Variants in ZNF92 observed in about 807,000 individuals in gnomAD.
ZNF92 encodes epididymis luminal protein 203.
In ZNF92, 11 loss-of-function variants were observed where a neutral mutation model predicts 12.4. The observed-to-expected ratio is 0.89, with a 90% CI of 0.56 to 1.47. The LOEUF (loss-of-function observed/expected upper bound fraction) is 1.47. Among genes scored for constraint, ZNF92 ranks in the 40% most tolerant of loss-of-function variants. ZNF92 has a pLI of 0.00. For missense variants in ZNF92, 622 were observed against 681.0 expected, an observed-to-expected ratio of 0.91 and a Z score of 0.96; for synonymous variants, 206 against 228.6, an observed-to-expected ratio of 0.90 and a Z score of 0.89.
intron 1 of ZNF92, among the ~76,000 whole-genome samples, chr7:65,375,504 T>C (rs576170993): frequency 6.6e-6 from 1 of 152,188 alleles, no homozygotes; most frequent in East Asian, 1.9e-4. Context: ...TTTCATTTCT[T>C]GGAGAAACAT....
Position 65,398,940 on chromosome 7 carries a change from A to C in ZNF92, c.826A>C (p.Lys276Gln). The change falls in exon 4 of 4, where the codon AAA becomes CAA. Residue 276 changes from lysine to glutamine, a missense_variant. Lys to Gln is a moderately conservative substitution (Grantham distance 53). Coordinates refer to ENST00000328747, the MANE Select transcript of ZNF92 (RefSeq NM_152626.4). ...CCGGTCCTCAACCCTTACTAAACAT[A>C]AAAGAATTCATACAGAAGAGAAACC... ...FNRSSTLTKH[K>Q]RIHTEEKPYK... 6.2e-7 allele frequency: 1 copy of C among 1,613,470 alleles called. No homozygotes were observed. Among genetic ancestry groups the C allele is most frequent in the East Asian group, 2.2e-5 (1 of 44,848 alleles).
intron 1 of ZNF92, among the ~76,000 whole-genome samples, chr7:65,386,393 A>C (rs1188678501): frequency 6.6e-6 from 1 of 152,050 alleles, no homozygotes; most frequent in Non-Finnish European, 1.5e-5. Flanking sequence ...TCTCACCATG[A>C]ATTTATGATC....
In ZNF92 at chr7:65,378,511, G is replaced by A. The variant is rs183489879; in HGVS notation, c.3+4511G>A. Among the ~76,000 whole-genome samples the A allele has an allele frequency of 1.2e-3, 182 of 152,148 alleles. 3 individuals carry two copies. In the East Asian group the frequency reaches 0.025, roughly 21 times the overall value. On this transcript the variant is annotated intron_variant, in intron 1 of 3. Transcript: ENST00000328747. The stretch of plus-strand genomic sequence containing the variant: ...TAATCCCAGCACTTTGGGAGGCCGA[G>A]GTGGGCGGATCACGAGGTCAGAAGA...
intron 2 of ZNF92, chr7:65,388,377 G>A: frequency 5.3e-6 from 1 of 189,814 alleles, no homozygotes; most frequent in Non-Finnish European, 1.0e-5. Flanking sequence ...GGTGGCTCAT[G>A]CCTGTAATCC....
chr7:65,391,681 G>A (rs939463620), intron 3 of ZNF92, among the ~76,000 whole-genome samples: 2 of 151,962 alleles, frequency 1.3e-5, no homozygotes, highest in Non-Finnish European at 2.9e-5. Context: ...TGCTTCTATA[G>A]TTGGATTGCA....
intron 1 of ZNF92, among the ~76,000 whole-genome samples, chr7:65,378,369 G>C (rs1480065892): frequency 2.0e-5 from 3 of 151,792 alleles, no homozygotes; most frequent in African/African-American, 7.3e-5. Context: ...GGGACATAAA[G>C]TGAGGTTGTA....
chr7:65,379,616 AAT>A (rs1793347213), intron 1 of ZNF92, among the ~76,000 whole-genome samples: 1 of 152,092 alleles, frequency 6.6e-6, no homozygotes, highest in South Asian at 2.1e-4. Flanking sequence ...CACCCTCAGG[AAT>A]TTCACCGCAG....
intron 1 of ZNF92, among the ~76,000 whole-genome samples, chr7:65,384,168 A>G (rs1456683899): frequency 6.6e-6 from 1 of 152,186 alleles, no homozygotes; most frequent in African/African-American, 2.4e-5. Flanking sequence ...ATTTGTTTAA[A>G]TTGCTTATTA....
At chr7:65,374,510 T>C (rs1214712833) in intron 1 of ZNF92, among the ~76,000 whole-genome samples, 4 of 151,950 alleles carry the variant, frequency 2.6e-5, no homozygotes, top group African/African-American at 9.7e-5. Flanking sequence ...GGGAGGGGCT[T>C]GAAGGAAACA....
intron 3 of ZNF92, among the ~76,000 whole-genome samples, chr7:65,394,993 G>A (rs756173081): frequency 1.3e-5 from 2 of 152,070 alleles, no homozygotes; most frequent in Non-Finnish European, 2.9e-5. Flanking sequence ...TGAAGAATGT[G>A]TTTTATTTTC....
At chr7:65,387,786 G>A in intron 1 of ZNF92, 116 bp from the exon 2 acceptor site, 2 of 1,270,888 alleles carry the variant, frequency 1.6e-6, no homozygotes, top group Non-Finnish European at 2.1e-6. Flanking sequence ...AGTCACTCCT[G>A]TAAGTCAGAA....
chr7:65,385,410 G>A (rs1472023532), intron 1 of ZNF92, among the ~76,000 whole-genome samples: 1 of 152,132 alleles, frequency 6.6e-6, no homozygotes, highest in East Asian at 1.9e-4. Context: ...AGGGCCTCAT[G>A]TGACTCTAAG....
At chr7:65,397,315 G>T (rs923604093) in intron 3 of ZNF92, among the ~76,000 whole-genome samples, 1 of 141,376 alleles carries the variant, frequency 7.1e-6, no homozygotes, top group Non-Finnish European at 1.5e-5. Context: ...AGTTTGTCTA[G>T]CTTCTTCATG....
chr7:65,388,820 A>G lies in ZNF92; in HGVS notation c.145A>G (p.Lys49Glu), dbSNP rs1198482974. ...TAATAAAACAGGTATTGCTGTCTCT[A>G]AGCCAGACCTGATCACCTGGCTGGA... Reference protein sequence around the residue: ...NLVFLGIAVSKPDLITWLEQG... With the variant: ...NLVFLGIAVSEPDLITWLEQG... The change falls in exon 3 of 4, where the codon AAG (lysine) becomes GAG (glutamate). Residue 49 changes from lysine (K) to glutamate (E), a missense_variant. Coordinates refer to ENST00000328747, the MANE Select transcript of ZNF92 (RefSeq NM_152626.4). 6.3e-7 allele frequency: 1 copy of G among 1,581,952 alleles called. No homozygotes were observed. Among genetic ancestry groups the G allele is most frequent in the Non-Finnish European group, 8.6e-7 (1 of 1,161,166 alleles).
chr7:65,399,429 G>A lies in ZNF92; in HGVS notation c.1315G>A (p.Ala439Thr). 6.2e-7 allele frequency: 1 copy of A among 1,601,632 alleles called. No individual in the cohort carries two copies. The highest frequency in any genetic ancestry group is 2.3e-5 in the East Asian group (1 of 44,102). Residue 439 changes from alanine (A) to threonine (T), a missense_variant, in exon 4 of 4, where the codon GCT becomes ACT. Transcript: ENST00000328747. ...TGGCAAGGCCTTTAGCTGGTCCTCAGCTTTTACTAAACATAAGAGAAATCA... is the reference window on the plus strand; with the variant it reads ...TGGCAAGGCCTTTAGCTGGTCCTCAACTTTTACTAAACATAAGAGAAATCA... ...KCGKAFSWSSAFTKHKRNHME... is the reference protein window; with the variant it reads ...KCGKAFSWSSTFTKHKRNHME...
chr7:65,378,947 C>T (rs1793328875), intron 1 of ZNF92, among the ~76,000 whole-genome samples: 1 of 152,086 alleles, frequency 6.6e-6, no homozygotes, highest in African/African-American at 2.4e-5. Context: ...TTAATCACAG[C>T]TATTTACCAG....
chr7:65,376,241 A>G (rs1793233310), intron 1 of ZNF92, among the ~76,000 whole-genome samples: 1 of 151,824 alleles, frequency 6.6e-6, no homozygotes, highest in Non-Finnish European at 1.5e-5. Context: ...CAGCACTGCT[A>G]CTTCCTGGGT....
Position 65,400,554 on chromosome 7 carries a change from A to G in ZNF92, c.*679A>G, listed in dbSNP as rs900002599. The G allele has an allele frequency of 1.3e-5, 2 of 152,074 alleles. No homozygotes were observed. The highest frequency in any genetic ancestry group is 4.8e-5 in the African/African-American group (2 of 41,438). The allele number at this position is 152,074 out of a possible 1,614,324, so 9.4% of individuals were successfully genotyped here. A position where few individuals can be genotyped will look rare whatever the true frequency, so the allele number is the denominator to read the frequency against. ...TTCACAGTAGAAATCATAAGGCATA[A>G]GGCACTGATACTTCAGACATTACAC... On this transcript the variant is annotated 3_prime_UTR_variant, in exon 4 of 4. Coordinates refer to ENST00000328747, the MANE Select transcript of ZNF92 (RefSeq NM_152626.4).
At chr7:65,386,643 A>G (rs1793572604) in intron 1 of ZNF92, among the ~76,000 whole-genome samples, 2 of 152,130 alleles carry the variant, frequency 1.3e-5, no homozygotes, top group African/African-American at 4.8e-5. Context: ...TAGGGTGCTA[A>G]AGAAAGACTA....
Sources: allele counts gnomAD v4.1 joint callset (sites outside exome capture counted in the v4.1 genomes callset), GRCh38; gene constraint gnomAD v4.1.1; transcripts MANE v1.5; gene names NCBI Gene and HGNC (gene_info 2026-07-23, HGNC 2026-07-21).